RNF38: variants seen among roughly 807,000 people sequenced by gnomAD.
The protein encoded by RNF38 is ring finger protein 38, also known as E3 ubiquitin-protein ligase RNF38.
A neutral mutation model predicts 67.2 loss-of-function variants in RNF38; 15 were observed. The ratio of observed to expected loss-of-function variants is 0.22; its 90% CI spans 0.15 to 0.34. The LOEUF is 0.34. RNF38 is among the 10% of genes least tolerant of loss of function. The pLI is 1.00. For missense variants in RNF38, 524 were observed against 639.9 expected, an observed-to-expected ratio of 0.82 and a Z score of 1.95; for synonymous variants, 220 against 218.8, an observed-to-expected ratio of 1.01 and a Z score of -0.05.
intron 4 of RNF38, among the ~76,000 whole-genome samples, chr9:36,358,750 C>T (rs1378206317): frequency 1.3e-5 from 2 of 152,158 alleles, no homozygotes; most frequent in Non-Finnish European, 2.9e-5. Context: ...TGGCTCATGC[C>T]TGTAATTCCA....
chr9:36,424,659 C>T lies in RNF38; in HGVS notation n.266G>A. 4.1e-6 allele frequency: 4 copies of T among 985,662 alleles called. No homozygotes were observed. In the South Asian group the frequency reaches 1.4e-4, roughly 35 times the overall value. 61.1% of individuals were successfully genotyped at this position (985,662 alleles called of 1,614,324 possible). On this transcript the variant is annotated non_coding_transcript_exon_variant, in exon 2 of 4. Coordinates refer to the RNF38 transcript ENST00000488058. ...AATGTGGTCGTGATGGATGGACTGG[C>T]ACTGAAAAGAAGCACCAACACTACC...
intron 9 of RNF38, among the ~76,000 whole-genome samples, chr9:36,347,529 C>CT (rs1833357039): frequency 6.6e-6 from 1 of 152,178 alleles, no homozygotes; most frequent in Admixed American, 6.5e-5. Context: ...GATCTCTGAT[C>CT]TTTGACGTTA....
chr9:36,345,009 A>C, intron 9 of RNF38, 56 bp from the exon 10 acceptor site: 1 of 1,563,770 alleles, frequency 6.4e-7, no homozygotes. Context: ...GCATTCCAAT[A>C]CTTTTTTTTT....
intron 1 of RNF38, among the ~76,000 whole-genome samples, chr9:36,447,966 A>G: frequency 6.6e-6 from 1 of 152,252 alleles, no homozygotes; most frequent in East Asian, 1.9e-4. Context: ...TCTGAACTAG[A>G]AGTATAACAG....
chr9:36,377,898 A>C (rs1835900944), intron 2 of RNF38, among the ~76,000 whole-genome samples: 1 of 152,026 alleles, frequency 6.6e-6, no homozygotes, highest in Non-Finnish European at 1.5e-5. Context: ...ACTATTTCCC[A>C]TCCGTGGTTG....
At chr9:36,402,953 G>C (rs1271422226), upstream of RNF38, among the ~76,000 whole-genome samples, 1 of 151,922 alleles carries the variant, frequency 6.6e-6, no homozygotes, top group Non-Finnish European at 1.5e-5. Flanking sequence ...CCTGGGCTCA[G>C]GCAATCCAGG....
intron 9 of RNF38, among the ~76,000 whole-genome samples, chr9:36,346,310 A>G (rs1345165915): frequency 6.6e-6 from 1 of 152,000 alleles, no homozygotes; most frequent in Non-Finnish European, 1.5e-5. Context: ...GGTTCAGGCG[A>G]TTCTCTTGCC....
intron 2 of RNF38, 63 bp downstream of exon 2, chr9:36,390,404 C>A: frequency 7.1e-7 from 1 of 1,412,280 alleles, no homozygotes; most frequent in Admixed American, 2.3e-5. Context: ...TTCAAGCCTT[C>A]CTAGAAACAC....
At chr9:36,417,570 G>A (rs1838508985) in intron 2 of RNF38, among the ~76,000 whole-genome samples, 1 of 152,106 alleles carries the variant, frequency 6.6e-6, no homozygotes, top group Non-Finnish European at 1.5e-5. Context: ...GGAGTGCAGT[G>A]GTGCAATCTC....
chr9:36,482,750 A>G (rs866092649), intron 1 of RNF38, among the ~76,000 whole-genome samples: 2 of 152,338 alleles, frequency 1.3e-5, no homozygotes, highest in South Asian at 2.1e-4. Context: ...TCAGCTGAGC[A>G]TGGTGATGAA....
intron 9 of RNF38, among the ~76,000 whole-genome samples, chr9:36,346,115 T>C (rs1316730546): frequency 2.0e-5 from 3 of 152,350 alleles, no homozygotes; most frequent in Middle Eastern, 3.4e-3. Context: ...TTAGGTAGAA[T>C]AGGATAAATG....
intron 1 of RNF38, among the ~76,000 whole-genome samples, chr9:36,472,135 CAA>C (rs1304191078): frequency 2.6e-5 from 4 of 152,110 alleles, no homozygotes; most frequent in Non-Finnish European, 5.9e-5. Flanking sequence ...CTGCCATTAG[CAA>C]AGACAGTCAA....
At chr9:36,474,038 G>A (rs951651023) in intron 1 of RNF38, among the ~76,000 whole-genome samples, 15 of 149,908 alleles carry the variant, frequency 1.0e-4, no homozygotes, top group African/African-American at 3.7e-4. Context: ...CACAGACCGG[G>A]CGCGGTGGCT....
At chr9:36,343,232 AT>A (rs1178543608) in intron 10 of RNF38, among the ~76,000 whole-genome samples, 1 of 152,204 alleles carries the variant, frequency 6.6e-6, no homozygotes, top group African/African-American at 2.4e-5. Context: ...AAATTTAAAC[AT>A]TTTGTGCTTC....
rs959947899 is a variant in RNF38, at chr9:36,480,804, C to T, written n.241+6504G>A. Among the ~76,000 whole-genome samples, 6 of 151,944 alleles carry T rather than the reference C, an allele frequency of 3.9e-5. No individual in the cohort carries two copies. The East Asian group carries it at 1.2e-3, about 30-fold the overall frequency. On this transcript the variant is annotated intron_variant and non_coding_transcript_variant, in intron 1 of 3. Transcript: ENST00000488058. Reference sequence around the variant, plus strand: ...AGCTCAAGTTATCCACCCGCCTTGGCCTCCCAAAGTGCTGGGATTACAGGG... The same window carrying T: ...AGCTCAAGTTATCCACCCGCCTTGGTCTCCCAAAGTGCTGGGATTACAGGG...
chr9:36,400,542 G>C (rs925241183), upstream of RNF38: 1 of 989,984 alleles, frequency 1.0e-6, no homozygotes, highest in Non-Finnish European at 1.2e-6. Context: ...CAACGGCCGC[G>C]GCGGCCAGTA....
At chr9:36,445,981 A>G (rs1026369876) in intron 1 of RNF38, among the ~76,000 whole-genome samples, 1 of 152,176 alleles carries the variant, frequency 6.6e-6, no homozygotes, top group Non-Finnish European at 1.5e-5. Context: ...TCCCACGTGC[A>G]TTCTGCTTGA....
intron 1 of RNF38, 86 bp downstream of exon 1, chr9:36,400,010 GT>G: frequency 8.4e-7 from 1 of 1,190,374 alleles, no homozygotes; most frequent in Non-Finnish European, 1.2e-6. Flanking sequence ...ACATGTGTGT[GT>G]TTCTACTTAC....
At chr9:36,452,508 T>A (rs1229048960) in intron 1 of RNF38, among the ~76,000 whole-genome samples, 1 of 152,116 alleles carries the variant, frequency 6.6e-6, no homozygotes, top group Non-Finnish European at 1.5e-5. Flanking sequence ...TGTTCATCCA[T>A]GTTGTGGCAT....
Sources: gnomAD v4.1 joint callset for allele counts (sites outside exome capture counted in the v4.1 genomes callset) on GRCh38, gnomAD v4.1.1 for gene constraint, MANE v1.5 for transcripts, NCBI Gene and HGNC (gene_info 2026-07-23, HGNC 2026-07-21) for gene names.